Variants in ZFAND3 observed in about 807,000 individuals in gnomAD.
ZFAND3 encodes AN1-type zinc finger protein 3.
ZFAND3 carries 10 observed loss-of-function variants against 29.6 expected under a neutral mutation model. The ratio of observed to expected loss-of-function variants is 0.34; its 90% CI spans 0.21 to 0.57. ZFAND3 has a LOEUF of 0.57. Ranked by LOEUF, ZFAND3 falls within the 20% of genes least tolerant of loss-of-function variation. The pLI, the probability that ZFAND3 is intolerant of heterozygous loss-of-function variation, is 0.86. For missense variants in ZFAND3, 230 were observed against 304.5 expected (o/e 0.76, Z 1.82); for synonymous variants, 128 against 112.6 (o/e 1.14, Z -0.87).
chr6:37,959,596 G>A (rs952663197), intron 2 of ZFAND3, among the ~76,000 whole-genome samples: 2 of 152,070 alleles, frequency 1.3e-5, no homozygotes, highest in African/African-American at 4.8e-5. Context: ...CACATAAATT[G>A]TCAAATATGT....
At chr6:37,858,221 G>C (rs1414359105) in intron 1 of ZFAND3, among the ~76,000 whole-genome samples, 2 of 152,166 alleles carry the variant, frequency 1.3e-5, no homozygotes, top group African/African-American at 4.8e-5. Flanking sequence ...AGCTGGTTCA[G>C]CCTGGCACAA....
intron 4 of ZFAND3, among the ~76,000 whole-genome samples, chr6:38,098,662 G>A (rs1045594097): frequency 2.6e-5 from 4 of 151,978 alleles, no homozygotes; most frequent in African/African-American, 9.7e-5. Context: ...CACAATGCCT[G>A]GCTAATTTTT....
chr6:37,833,582 T>C (rs943428433), intron 1 of ZFAND3, among the ~76,000 whole-genome samples: 1 of 152,136 alleles, frequency 6.6e-6, no homozygotes, highest in Non-Finnish European at 1.5e-5. Context: ...CCCAGTACTT[T>C]GGGAGGCCGA....
In ZFAND3 at chr6:38,107,557, C is replaced by T. The variant is rs537855147; in HGVS notation, c.362-9015C>T. ...AATTAAATATTCCCTTCCTGCCAGG[C>T]ACAGTGGCTCACACCTGTAATCCCA... On this transcript the variant is annotated intron_variant, in intron 4 of 5. Coordinates refer to ENST00000287218, the MANE Select transcript of ZFAND3 (RefSeq NM_021943.3). Among the ~76,000 whole-genome samples, 3 of 152,326 alleles carry T rather than the reference C, an allele frequency of 2.0e-5. No homozygotes were observed. In the South Asian group the frequency reaches 6.2e-4, roughly 32 times the overall value.
At chr6:37,853,294 A>G (rs757247871) in intron 1 of ZFAND3, among the ~76,000 whole-genome samples, 2 of 151,848 alleles carry the variant, frequency 1.3e-5, no homozygotes, top group African/African-American at 4.8e-5. Context: ...ATGGGGTGCC[A>G]TAGGTGGGCC....
intron 1 of ZFAND3, among the ~76,000 whole-genome samples, chr6:37,873,419 TTTGC>T (rs771911583): frequency 2.6e-5 from 4 of 152,246 alleles, no homozygotes; most frequent in African/African-American, 9.7e-5. Flanking sequence ...TAATCACTTG[TTTGC>T]TTGCTTGCTA....
intron 2 of ZFAND3, among the ~76,000 whole-genome samples, chr6:38,037,402 GT>G (rs1763679801): frequency 6.6e-6 from 1 of 152,176 alleles, no homozygotes; most frequent in Admixed American, 6.5e-5. Context: ...CAGAGTTCTG[GT>G]TTTAAGAGAA....
intron 2 of ZFAND3, among the ~76,000 whole-genome samples, chr6:37,931,400 C>A (rs1761591719): frequency 6.6e-6 from 1 of 152,058 alleles, no homozygotes; most frequent in Non-Finnish European, 1.5e-5. Context: ...TTAAAATTAG[C>A]TGGATGTGGT....
At chr6:37,969,216 A>G (rs1762342140) in intron 2 of ZFAND3, among the ~76,000 whole-genome samples, 1 of 152,238 alleles carries the variant, frequency 6.6e-6, no homozygotes, top group African/African-American at 2.4e-5. Flanking sequence ...CATCATTTAC[A>G]GGAATGTTAT....
At chr6:37,875,470 GA>G (rs2127389661) in intron 1 of ZFAND3, among the ~76,000 whole-genome samples, 1 of 151,956 alleles carries the variant, frequency 6.6e-6, no homozygotes, top group South Asian at 2.1e-4. Flanking sequence ...AAAAGTAAAT[GA>G]TTTTTTTTTT....
At chr6:37,969,358 C>T (rs1404241139) in intron 2 of ZFAND3, among the ~76,000 whole-genome samples, 1 of 152,078 alleles carries the variant, frequency 6.6e-6, no homozygotes, top group Non-Finnish European at 1.5e-5. Flanking sequence ...GTTGAAAATG[C>T]CGTAAGTCAA....
chr6:38,105,028 A>T (rs557147559), intron 4 of ZFAND3, among the ~76,000 whole-genome samples: 1 of 152,356 alleles, frequency 6.6e-6, no homozygotes, highest in East Asian at 1.9e-4. Context: ...CAGTTCACTT[A>T]ACCAATGCCT....
intron 4 of ZFAND3, among the ~76,000 whole-genome samples, chr6:38,107,093 G>C (rs570777999): frequency 6.6e-6 from 1 of 152,218 alleles, no homozygotes; most frequent in South Asian, 2.1e-4. Context: ...ACAGCAGTGT[G>C]GTGTCAGTCA....
chr6:38,049,458 G>C (rs1348672912), intron 2 of ZFAND3, among the ~76,000 whole-genome samples: 2 of 152,160 alleles, frequency 1.3e-5, no homozygotes, highest in Non-Finnish European at 2.9e-5. Flanking sequence ...AGGTTACACA[G>C]CAATTAAGAA....
At chr6:37,947,162 A>G (rs1024380878) in intron 2 of ZFAND3, among the ~76,000 whole-genome samples, 2 of 152,206 alleles carry the variant, frequency 1.3e-5, no homozygotes, top group Non-Finnish European at 2.9e-5. Flanking sequence ...TCTTTGTTCA[A>G]ATTTCTTTTA....
chr6:37,995,355 G>C (rs947667860), intron 2 of ZFAND3, among the ~76,000 whole-genome samples: 20 of 152,140 alleles, frequency 1.3e-4, no homozygotes, highest in African/African-American at 4.8e-4. Context: ...TTCTCAACCT[G>C]AGTTGTCTTC....
chr6:38,048,037 C>T (rs1358806193), intron 2 of ZFAND3, among the ~76,000 whole-genome samples: 1 of 150,462 alleles, frequency 6.6e-6, no homozygotes, highest in South Asian at 2.1e-4. Context: ...CAGGGTCTCA[C>T]TCTGTTGTCC....
intron 5 of ZFAND3, among the ~76,000 whole-genome samples, chr6:38,146,572 A>G (rs1766112518): frequency 6.6e-6 from 1 of 152,216 alleles, no homozygotes; most frequent in African/African-American, 2.4e-5. Flanking sequence ...GAAGCTCTGC[A>G]GCTTCCTCCT....
At chr6:37,896,785 T>C (rs185058154) in intron 1 of ZFAND3, among the ~76,000 whole-genome samples, 126 of 151,976 alleles carry the variant, frequency 8.3e-4, no homozygotes, top group Admixed American at 2.0e-4. Flanking sequence ...CTCCTTCTCT[T>C]GCCCTGCTGT....
Sources: gnomAD v4.1 joint callset for allele counts (sites outside exome capture counted in the v4.1 genomes callset) on GRCh38, gnomAD v4.1.1 for gene constraint, MANE v1.5 for transcripts, NCBI Gene and HGNC (gene_info 2026-07-23, HGNC 2026-07-21) for gene names.